ABI3BP: variants seen among roughly 807,000 people sequenced by gnomAD.
ABI3BP encodes the protein target of Nesh-SH3.
Under a neutral mutation model 268.6 loss-of-function variants are expected in ABI3BP, and 216 were observed. That is an observed-to-expected ratio of 0.80 (90% CI 0.72 to 0.90). The LOEUF (loss-of-function observed/expected upper bound fraction) is 0.90, where lower values mean the gene tolerates loss of function less well. Ranked by LOEUF, ABI3BP falls within the 40% of genes least tolerant of loss-of-function variation. The pLI is 0.00. For synonymous variants in ABI3BP, 730 were observed against 730.0 expected (o/e 1.00, Z 0.00); for missense variants, 2,090 against 2,182.4 (o/e 0.96, Z 0.84).
Position 100,765,753 on chromosome 3 carries a change from C to T in ABI3BP, c.4850+88G>A, listed in dbSNP as rs1224039062. On this transcript the variant is annotated intron_variant, in intron 63 of 67. Coordinates refer to ENST00000471714, the MANE Select transcript of ABI3BP (RefSeq NM_001375547.2). ...ATGGAAGCTAGAGCCACCCTCAAGA[C>T]AGAGAAGATGATTATCATTTCTTTC... 13 of 1,043,794 alleles carry T rather than the reference C, an allele frequency of 1.2e-5. No homozygotes were observed. The East Asian group carries it at 2.9e-4, about 23-fold the overall frequency. The allele number at this position is 1,043,794 out of a possible 1,614,324, so 64.7% of individuals were successfully genotyped here.
intron 4 of ABI3BP, among the ~76,000 whole-genome samples, chr3:100,894,008 A>G (rs914740929): frequency 6.6e-6 from 1 of 152,150 alleles, no homozygotes; most frequent in African/African-American, 2.4e-5. Flanking sequence ...GGAAGGTAGA[A>G]TAGATTGGGG....
chr3:100,842,857 T>C (rs79924956), intron 20 of ABI3BP, among the ~76,000 whole-genome samples: 7,356 of 152,298 alleles, frequency 0.048, 220 homozygotes, highest in Non-Finnish European at 0.052. Flanking sequence ...TTGTTTATTT[T>C]TGAAATGGAA....
Position 100,991,444 on chromosome 3 carries a change from G to A in ABI3BP, c.79+1862C>T, listed in dbSNP as rs183565673. Reference sequence around the variant, plus strand: ...AAAAAGTTGTACAGGTTTCTTTATTGAGAATGTGCAAACTGCTAACACTTA... The same window carrying A: ...AAAAAGTTGTACAGGTTTCTTTATTAAGAATGTGCAAACTGCTAACACTTA... On this transcript the variant is annotated intron_variant, in intron 1 of 67. Transcript: ENST00000471714. Among the ~76,000 whole-genome samples, 4 of 152,182 alleles carry A rather than the reference G, an allele frequency of 2.6e-5. No individual in the cohort carries two copies. In the East Asian group the frequency reaches 7.7e-4, roughly 29 times the overall value.
intron 1 of ABI3BP, among the ~76,000 whole-genome samples, chr3:100,966,404 C>A (rs773891216): frequency 1.3e-5 from 2 of 152,182 alleles, no homozygotes; most frequent in Admixed American, 1.3e-4. Flanking sequence ...TGGGCCAAAT[C>A]CAGTCCACCA....
At chr3:100,987,419 A>G (rs1002811945) in intron 1 of ABI3BP, among the ~76,000 whole-genome samples, 1 of 152,224 alleles carries the variant, frequency 6.6e-6, no homozygotes, top group Admixed American at 6.5e-5. Flanking sequence ...AATTCTTAAC[A>G]GTATCTTATA....
rs902786104 is a variant in ABI3BP, at chr3:100,817,471, T to C, written c.3113A>G (p.Asp1038Gly). Reference protein sequence around the residue: ...TMVVTTVLEPDTFRTKFPETT... With the variant: ...TMVVTTVLEPGTFRTKFPETT... ...TTCTGGAAACTTGGTTCTAAAAGTG[T>C]CAGGTTCAAGGACTGTAGTAACAAC... is the stretch of plus-strand genomic sequence containing the variant. The change falls in exon 42 of 68, where the codon GAC (aspartate) becomes GGC (glycine). Residue 1038 changes from aspartate (D) to glycine (G), a missense_variant. Transcript: ENST00000471714. The C allele has an allele frequency of 1.3e-5, 20 of 1,510,880 alleles. No homozygotes were observed. The highest frequency in any genetic ancestry group is 1.7e-5 in the Non-Finnish European group (19 of 1,130,796). 93.6% of individuals were successfully genotyped at this position (1,510,880 alleles called of 1,614,324 possible).
chr3:100,886,007 T>G (rs988567807), intron 5 of ABI3BP, 135 bp downstream of exon 5: 1 of 608,486 alleles, frequency 1.6e-6, no homozygotes, highest in African/African-American at 1.9e-5. Context: ...TCTTCTTTGC[T>G]TCTATATTTT....
chr3:100,991,607 C>T (rs1317380539), intron 1 of ABI3BP, among the ~76,000 whole-genome samples: 1 of 152,086 alleles, frequency 6.6e-6, no homozygotes, highest in Non-Finnish European at 1.5e-5. Context: ...ATGACTTCAG[C>T]TAAAAGGTCC....
At chr3:100,954,757 C>G (rs1387930400) in intron 1 of ABI3BP, among the ~76,000 whole-genome samples, 3 of 152,064 alleles carry the variant, frequency 2.0e-5, no homozygotes, top group Non-Finnish European at 4.4e-5. Flanking sequence ...ATTAGTCCAT[C>G]TGCATTATTA....
At chr3:100,890,512 C>T (rs1192750458) in intron 4 of ABI3BP, among the ~76,000 whole-genome samples, 7 of 152,106 alleles carry the variant, frequency 4.6e-5, no homozygotes, top group Non-Finnish European at 8.8e-5. Context: ...TGATTCCTTA[C>T]GGACCTTCCC....
In ABI3BP at chr3:100,816,676, T is replaced by C; in HGVS notation, c.3229+12A>G. 1 of 1,534,604 alleles carries C rather than the reference T, an allele frequency of 6.5e-7. No individual in the cohort carries two copies. Among genetic ancestry groups the C allele is most frequent in the Non-Finnish European group, 8.7e-7 (1 of 1,145,508 alleles). On this transcript the variant is annotated intron_variant, in intron 43 of 67. Coordinates refer to ENST00000471714, the MANE Select transcript of ABI3BP (RefSeq NM_001375547.2). Reference sequence around the variant, plus strand: ...TTCCTTGGCTACTTAAGCCAAGGATTCATACATTTACCCGATTTGTTCTGA... The same window carrying C: ...TTCCTTGGCTACTTAAGCCAAGGATCCATACATTTACCCGATTTGTTCTGA...
At chr3:100,902,577 A>T in intron 3 of ABI3BP, 41 bp downstream of exon 3, 2 of 1,588,820 alleles carry the variant, frequency 1.3e-6, no homozygotes, top group Non-Finnish European at 1.7e-6. Flanking sequence ...TCATGGTTCA[A>T]AGTTCATAAA....
intron 63 of ABI3BP, among the ~76,000 whole-genome samples, chr3:100,755,208 C>A (rs927562224): frequency 1.3e-5 from 2 of 152,200 alleles, no homozygotes; most frequent in Admixed American, 1.3e-4. Context: ...TCTTGTCCTA[C>A]TCTAGGTATT....
chr3:100,941,714 A>C (rs1260887036), intron 1 of ABI3BP, among the ~76,000 whole-genome samples: 1 of 152,154 alleles, frequency 6.6e-6, no homozygotes, highest in East Asian at 1.9e-4. Context: ...CAAGGCTAAT[A>C]GTTTTACCAA....
chr3:100,752,940 C>T lies in ABI3BP; in HGVS notation c.4969G>A (p.Asp1657Asn), dbSNP rs2095416403. ...RVSEPVSAGR[D>N]AIWTERPFNS... ...AAGGGTCTTTCAGTCCAGATGGCAT[C>T]TCTTCCTGCTACAAAAGGAAAATAG... The change falls in exon 66 of 68, where the codon GAT becomes AAT. Residue 1657 changes from aspartate to asparagine, a missense_variant. Transcript: ENST00000471714. The T allele has an allele frequency of 6.2e-7, 1 of 1,610,010 alleles. No individual in the cohort carries two copies. The highest frequency in any genetic ancestry group is 2.2e-5 in the East Asian group (1 of 44,844).
At chr3:100,874,776 T>C in intron 9 of ABI3BP, 65 bp downstream of exon 9, 1 of 967,422 alleles carries the variant, frequency 1.0e-6, no homozygotes, top group Non-Finnish European at 1.5e-6. Context: ...TCTTTGGATT[T>C]CCTAAGAATA....
intron 2 of ABI3BP, among the ~76,000 whole-genome samples, chr3:100,922,984 A>C (rs191988453): frequency 6.6e-6 from 1 of 152,246 alleles, no homozygotes; most frequent in Non-Finnish European, 1.5e-5. Context: ...TTTTGAAGTA[A>C]TAAAAGCAGA....
chr3:100,895,396 G>A (rs78253969), intron 4 of ABI3BP, among the ~76,000 whole-genome samples: 3,643 of 152,184 alleles, frequency 0.024, 145 homozygotes, highest in African/African-American at 0.083. Context: ...ATACTTCCAA[G>A]CTAAAAACAA....
intron 20 of ABI3BP, among the ~76,000 whole-genome samples, chr3:100,843,300 G>C (rs1351875541): frequency 1.3e-5 from 2 of 152,122 alleles, no homozygotes; most frequent in Non-Finnish European, 2.9e-5. Flanking sequence ...CCCGAATTCT[G>C]ATTTCTCAAG....
Sources: allele counts gnomAD v4.1 joint callset (sites outside exome capture counted in the v4.1 genomes callset), GRCh38; gene constraint gnomAD v4.1.1; transcripts MANE v1.5; gene names NCBI Gene and HGNC (gene_info 2026-07-23, HGNC 2026-07-21).